DPP10: variants seen among roughly 807,000 people sequenced by gnomAD.
DPP10 encodes the protein dipeptidyl peptidase like 10.
DPP10 carries 33 observed loss-of-function variants against 120.9 expected under a neutral mutation model. That is an observed-to-expected ratio of 0.27 (90% CI 0.21 to 0.37). The LOEUF (loss-of-function observed/expected upper bound fraction) is 0.37. DPP10 is among the 10% of genes least tolerant of loss of function. The pLI, the probability that DPP10 is intolerant of heterozygous loss-of-function variation, is 1.00. For synonymous variants in DPP10, 337 were observed against 326.1 expected (o/e 1.03, Z -0.36); for missense variants, 816 against 942.8 (o/e 0.87, Z 1.76).
intron 2 of DPP10, among the ~76,000 whole-genome samples, chr2:115,323,584 A>G (rs2062177172): frequency 6.6e-6 from 1 of 152,224 alleles, no homozygotes; most frequent in Non-Finnish European, 1.5e-5. Context: ...CCTTCAGAAG[A>G]ATCAGTATCT....
intron 5 of DPP10, among the ~76,000 whole-genome samples, chr2:115,668,960 G>A (rs545373961): frequency 6.6e-6 from 1 of 152,102 alleles, no homozygotes; most frequent in South Asian, 2.1e-4. Flanking sequence ...AATAATCTGT[G>A]CCCAGAATGT....
intron 3 of DPP10, among the ~76,000 whole-genome samples, chr2:115,389,524 T>G (rs1229962948): frequency 6.6e-6 from 1 of 152,222 alleles, no homozygotes. Flanking sequence ...TTTCCATTTT[T>G]TAATGAATAA....
intron 5 of DPP10, among the ~76,000 whole-genome samples, chr2:115,661,569 T>C (rs1297409243): frequency 6.6e-6 from 1 of 152,196 alleles, no homozygotes; most frequent in Non-Finnish European, 1.5e-5. Context: ...AGACATTTTC[T>C]ATAAAGGCTC....
intron 7 of DPP10, among the ~76,000 whole-genome samples, chr2:115,701,534 T>C (rs1393212341): frequency 1.3e-5 from 2 of 151,976 alleles, no homozygotes; most frequent in Non-Finnish European, 2.9e-5. Flanking sequence ...AATAAATGAA[T>C]TGAATCATTT....
intron 3 of DPP10, among the ~76,000 whole-genome samples, chr2:115,374,595 C>T (rs1040867706): frequency 1.3e-5 from 2 of 152,214 alleles, no homozygotes; most frequent in African/African-American, 2.4e-5. Context: ...TCTGCACTGC[C>T]TTAGGAGAGG....
chr2:115,535,499 T>C (rs2078762533), intron 5 of DPP10, among the ~76,000 whole-genome samples: 2 of 151,710 alleles, frequency 1.3e-5, no homozygotes, highest in African/African-American at 4.8e-5. Context: ...ACTACCATGC[T>C]GTTTTGGTTA....
At chr2:115,815,851 C>T in intron 21 of DPP10, 122 bp downstream of exon 21, 1 of 1,012,834 alleles carries the variant, frequency 9.9e-7, no homozygotes, top group Non-Finnish European at 1.5e-6. Flanking sequence ...GGATTCCATA[C>T]TTATTAACAT....
intron 1 of DPP10, among the ~76,000 whole-genome samples, chr2:114,596,253 T>C (rs1455944114): frequency 6.6e-6 from 1 of 152,074 alleles, no homozygotes; most frequent in Non-Finnish European, 1.5e-5. Context: ...TTTATTTTTA[T>C]ATGTATTACA....
intron 1 of DPP10, among the ~76,000 whole-genome samples, chr2:115,173,051 A>G (rs547657780): frequency 6.6e-6 from 1 of 152,324 alleles, no homozygotes; most frequent in Non-Finnish European, 1.5e-5. Flanking sequence ...TTATATTTTG[A>G]AAATGGAAAA....
chr2:114,553,502 A>G (rs115703208), intron 1 of DPP10, among the ~76,000 whole-genome samples: 1,904 of 152,298 alleles, frequency 0.013, 10 homozygotes, highest in Middle Eastern at 0.037. Flanking sequence ...GGGGAGAGCG[A>G]TATTTTTACC....
intron 1 of DPP10, among the ~76,000 whole-genome samples, chr2:114,603,065 A>C (rs911297443): frequency 1.7e-4 from 26 of 152,186 alleles, no homozygotes; most frequent in African/African-American, 6.3e-4. Flanking sequence ...TGCCATCCCC[A>C]GTTCCTGGGG....
intron 1 of DPP10, among the ~76,000 whole-genome samples, chr2:114,523,667 C>T (rs1685259195): frequency 6.6e-6 from 1 of 152,082 alleles, no homozygotes; most frequent in Non-Finnish European, 1.5e-5. Flanking sequence ...AGGAAATGTG[C>T]CAGTGAGCTT....
At chr2:114,673,696 T>A (rs112019497) in intron 1 of DPP10, among the ~76,000 whole-genome samples, 2,176 of 152,278 alleles carry the variant, frequency 0.014, 56 homozygotes, top group African/African-American at 0.05. Flanking sequence ...CCTCAGGTAA[T>A]CTGCCTGTCT....
intron 21 of DPP10, among the ~76,000 whole-genome samples, chr2:115,829,152 A>C (rs1688670139): frequency 6.6e-6 from 1 of 152,234 alleles, no homozygotes; most frequent in South Asian, 2.1e-4. Flanking sequence ...CAAAAGGCTA[A>C]ATGAGTATTT....
chr2:114,707,382 T>G (rs1336442516), intron 1 of DPP10, among the ~76,000 whole-genome samples: 1 of 152,204 alleles, frequency 6.6e-6, no homozygotes, highest in African/African-American at 2.4e-5. Flanking sequence ...TTCAAATTAT[T>G]AGACAGCTAA....
chr2:114,454,957 AG>A (rs1481081655), intron 1 of DPP10, among the ~76,000 whole-genome samples: 1 of 152,194 alleles, frequency 6.6e-6, no homozygotes, highest in African/African-American at 2.4e-5. Flanking sequence ...AGGCTCAAAA[AG>A]AACTTGCTAA....
chr2:115,366,247 C>G (rs1418286025), intron 3 of DPP10, among the ~76,000 whole-genome samples: 1 of 151,980 alleles, frequency 6.6e-6, no homozygotes, highest in Admixed American at 6.6e-5. Context: ...ACTTTCATCT[C>G]TTTTCACTAT....
chr2:115,357,550 T>G (rs72840738), intron 3 of DPP10, among the ~76,000 whole-genome samples: 183 of 152,246 alleles, frequency 1.2e-3, no homozygotes, highest in Non-Finnish European at 2.1e-3. Context: ...TGGGCTGGTG[T>G]TGTGTGTGCA....
intron 1 of DPP10, among the ~76,000 whole-genome samples, chr2:115,184,355 G>A (rs1265700823): frequency 6.6e-6 from 1 of 152,190 alleles, no homozygotes; most frequent in East Asian, 1.9e-4. Flanking sequence ...ATTGGATAGG[G>A]AGGAAGAAGA....
Sources: allele counts gnomAD v4.1 joint callset (sites outside exome capture counted in the v4.1 genomes callset), GRCh38; gene constraint gnomAD v4.1.1; transcripts MANE v1.5; gene names NCBI Gene and HGNC (gene_info 2026-07-23, HGNC 2026-07-21).